Variants in LOC400499 observed in about 807,000 individuals in gnomAD.
the LOC400499 span, among the ~76,000 whole-genome samples, chr16:11,481,533 G>A: frequency 7.9e-5 from 12 of 152,314 alleles, no homozygotes; most frequent in Admixed American, 7.8e-4. Flanking sequence ...ATGATGGCCA[G>A]GCTGGTCTCG....
At chr16:11,417,349 C>G in the LOC400499 span, among the ~76,000 whole-genome samples, 2 of 152,136 alleles carry the variant, frequency 1.3e-5, no homozygotes, top group African/African-American at 2.4e-5. Context: ...CTCAGCCTCC[C>G]GAGTAGCTGC....
the LOC400499 span, among the ~76,000 whole-genome samples, chr16:11,517,408 C>G: frequency 6.6e-6 from 1 of 152,156 alleles, no homozygotes; most frequent in African/African-American, 2.4e-5. Flanking sequence ...GCTATTGAAC[C>G]CAGGAAGGTA....
chr16:11,434,483 C>A, the LOC400499 span, among the ~76,000 whole-genome samples: 1 of 152,116 alleles, frequency 6.6e-6, no homozygotes, highest in African/African-American at 2.4e-5. Context: ...GGGTCTGATG[C>A]TACCTCCAGG....
At chr16:11,379,926 GCT>G in the LOC400499 span, among the ~76,000 whole-genome samples, 1 of 152,122 alleles carries the variant, frequency 6.6e-6, no homozygotes, top group Non-Finnish European at 1.5e-5. Context: ...CTCTTTGACA[GCT>G]CTGTCCCCCT....
the LOC400499 span, among the ~76,000 whole-genome samples, chr16:11,505,445 C>CTTTTTT: frequency 7.9e-4 from 57 of 71,972 alleles, 3 homozygotes; most frequent in African/African-American, 2.3e-3. Context: ...TTTTTCTTTT[C>CTTTTTT]TTTTTTTTTT....
chr16:11,461,732 C>G, the LOC400499 span, among the ~76,000 whole-genome samples: 8 of 152,146 alleles, frequency 5.3e-5, no homozygotes, highest in African/African-American at 1.9e-4. Flanking sequence ...CCCCCAGCCC[C>G]AGCTCCTGTC....
At chr16:11,436,168 G>T in the LOC400499 span, among the ~76,000 whole-genome samples, 2 of 152,152 alleles carry the variant, frequency 1.3e-5, no homozygotes, top group African/African-American at 2.4e-5. Context: ...GCACTGAAAG[G>T]GTCACATATG....
chr16:11,429,489 T>G, the LOC400499 span, among the ~76,000 whole-genome samples: 1 of 152,204 alleles, frequency 6.6e-6, no homozygotes, highest in Admixed American at 6.5e-5. Flanking sequence ...AATTTATTTT[T>G]TGAGACAGAG....
At chr16:11,392,574 G>C in the LOC400499 span, 1 of 396,720 alleles carries the variant, frequency 2.5e-6, no homozygotes, top group East Asian at 3.6e-5. Flanking sequence ...ACCGCTTTCC[G>C]TAGCTCCCCA....
At chr16:11,400,879 A>C in the LOC400499 span, among the ~76,000 whole-genome samples, 1 of 152,226 alleles carries the variant, frequency 6.6e-6, no homozygotes, top group East Asian at 1.9e-4. Context: ...GGAAAACCTG[A>C]GTCTCAGAGA....
chr16:11,453,623 C>T, the LOC400499 span, among the ~76,000 whole-genome samples: 1 of 151,772 alleles, frequency 6.6e-6, no homozygotes, highest in African/African-American at 2.4e-5. Flanking sequence ...CATATGAAGT[C>T]GAGGAAATCG....
At chr16:11,402,103 C>A in the LOC400499 span, 7 of 399,006 alleles carry the variant, frequency 1.8e-5, no homozygotes. Flanking sequence ...GCTCTGAGGA[C>A]AGGCGGAGGC....
the LOC400499 span, among the ~76,000 whole-genome samples, chr16:11,490,395 C>CG: frequency 7.0e-5 from 6 of 85,922 alleles, no homozygotes; most frequent in East Asian, 8.0e-4. Context: ...GACTCTGTCT[C>CG]GAAAAAAAAA....
chr16:11,404,838 A>G, the LOC400499 span: 1 of 399,018 alleles, frequency 2.5e-6, no homozygotes, highest in Non-Finnish European at 4.4e-6. Context: ...TGCGGTCTGC[A>G]GGAACAGCTC....
At chr16:11,387,638 A>ATTTTTTTTTTG in the LOC400499 span, among the ~76,000 whole-genome samples, 2 of 151,380 alleles carry the variant, frequency 1.3e-5, no homozygotes, top group Admixed American at 1.3e-4. Flanking sequence ...GGTCTAGGAA[A>ATTTTTTTTTTG]TTTTGTTTTT....
At chr16:11,427,893 G>A in the LOC400499 span, among the ~76,000 whole-genome samples, 3 of 152,186 alleles carry the variant, frequency 2.0e-5, no homozygotes, top group Non-Finnish European at 2.9e-5. Flanking sequence ...GTGTTCTGAT[G>A]TCTACAACTC....
the LOC400499 span, among the ~76,000 whole-genome samples, chr16:11,465,811 T>G: frequency 0.52 from 64,023 of 122,326 alleles, 16,077 homozygotes; most frequent in Middle Eastern, 0.61. Context: ...AAGAGACTGG[T>G]AGAAGACATG....
chr16:11,372,714 G>C, the LOC400499 span: 1 of 981,040 alleles, frequency 1.0e-6, no homozygotes, highest in Non-Finnish European at 1.2e-6. Context: ...TGGCAGCCTA[G>C]TGCTGGCATA....
chr16:11,470,222 T>C, the LOC400499 span, among the ~76,000 whole-genome samples: 1 of 152,322 alleles, frequency 6.6e-6, no homozygotes. Flanking sequence ...TCCCATCCTT[T>C]TAACCAGCTT....
Sources: allele counts gnomAD v4.1 joint callset (sites outside exome capture counted in the v4.1 genomes callset), GRCh38; gene constraint gnomAD v4.1.1; transcripts MANE v1.5.